Variants in TBC1D5 observed in about 807,000 individuals in gnomAD.
TBC1D5 encodes the protein TBC1 domain family, member 5.
Under a neutral mutation model 100.3 loss-of-function variants are expected in TBC1D5, and 75 were observed. The ratio of observed to expected loss-of-function variants is 0.75; its 90% CI spans 0.62 to 0.91. The LOEUF is 0.91. Among genes scored for constraint, TBC1D5 ranks in the 40% least tolerant of loss-of-function variants. The probability of loss-of-function intolerance (pLI) is 0.00; values close to 1 mark genes in which losing one functional copy is unlikely to be tolerated. For missense variants in TBC1D5, 910 were observed against 942.4 expected (o/e 0.97, Z 0.45); for synonymous variants, 323 against 325.6 (o/e 0.99, Z 0.09).
chr3:17,404,410 A>G (rs1436695952), intron 7 of TBC1D5, among the ~76,000 whole-genome samples: 2 of 151,976 alleles, frequency 1.3e-5, no homozygotes, highest in African/African-American at 2.4e-5. Flanking sequence ...CCCTGATAAA[A>G]GTTTTATTCT....
intron 1 of TBC1D5, among the ~76,000 whole-genome samples, chr3:17,637,188 ATTTTT>A (rs1186523023): frequency 4.2e-5 from 4 of 95,482 alleles, no homozygotes; most frequent in African/African-American, 1.9e-4. Flanking sequence ...TGCCCGACTA[ATTTTT>A]TTTTTTTTTT....
rs1417741877 is a variant in TBC1D5, at chr3:17,704,129, G to C, written c.-101+35214C>G. Among the ~76,000 whole-genome samples the C allele has an allele frequency of 9.0e-3, 1,281 of 141,774 alleles. 19 individuals carry two copies. Among genetic ancestry groups the C allele is most frequent in the African/African-American group, 0.033 (1,238 of 37,850 alleles). 93.0% of individuals were successfully genotyped at this position (141,774 alleles called of 152,430 possible). On this transcript the variant is annotated intron_variant, in intron 1 of 21. Coordinates refer to ENST00000253692, the Ensembl canonical transcript of TBC1D5. Reference sequence around the variant, plus strand: ...TTAGGGATTGGTGATGACTCTTAACGAGCATGCTGCCTTCAAGCATCTGTT... The same window carrying C: ...TTAGGGATTGGTGATGACTCTTAACCAGCATGCTGCCTTCAAGCATCTGTT...
At chr3:17,166,951 T>C in intron 20 of TBC1D5, 23 bp from the exon 22 acceptor site, 1 of 1,576,068 alleles carries the variant, frequency 6.3e-7, no homozygotes, top group African/African-American at 1.4e-5. Context: ...AAGAAGAAAA[T>C]AAATGAAAAA....
chr3:17,296,387 A>C (rs1280057119), intron 14 of TBC1D5, among the ~76,000 whole-genome samples: 1 of 152,190 alleles, frequency 6.6e-6, no homozygotes, highest in East Asian at 1.9e-4. Flanking sequence ...ATTTGTTGAG[A>C]GCCTACTACA....
intron 9 of TBC1D5, among the ~76,000 whole-genome samples, chr3:17,378,803 T>C (rs774799284): frequency 3.2e-4 from 48 of 151,312 alleles, no homozygotes; most frequent in Admixed American, 5.3e-4. Context: ...ACTTAACTGA[T>C]ATAAGTTTAA....
chr3:17,503,419 T>A (rs1444580639), intron 3 of TBC1D5, among the ~76,000 whole-genome samples: 2 of 149,470 alleles, frequency 1.3e-5, no homozygotes, highest in Non-Finnish European at 2.9e-5. Flanking sequence ...ATCATTTACT[T>A]CTCTCTGCTG....
At chr3:17,698,643 A>G (rs1451479060) in intron 1 of TBC1D5, among the ~76,000 whole-genome samples, 1 of 147,750 alleles carries the variant, frequency 6.8e-6, no homozygotes, top group African/African-American at 2.5e-5. Context: ...CAACCTACTC[A>G]TCTGACAAAG....
chr3:17,219,452 C>A (rs2074030160), intron 17 of TBC1D5, among the ~76,000 whole-genome samples: 1 of 150,270 alleles, frequency 6.7e-6, no homozygotes, highest in Non-Finnish European at 1.5e-5. Context: ...TGCTTTTTCC[C>A]CTTTGTGTGG....
At chr3:17,607,605 C>A (rs1172204995) in intron 2 of TBC1D5, among the ~76,000 whole-genome samples, 1 of 152,014 alleles carries the variant, frequency 6.6e-6, no homozygotes, top group Non-Finnish European at 1.5e-5. Flanking sequence ...TTTTAGTCCC[C>A]TATTCAGCAT....
chr3:17,264,060 A>G (rs1378057689), intron 15 of TBC1D5, among the ~76,000 whole-genome samples: 1 of 152,102 alleles, frequency 6.6e-6, no homozygotes, highest in Non-Finnish European at 1.5e-5. Context: ...TGCACTCTGT[A>G]ATGGAAGTCT....
intron 14 of TBC1D5, among the ~76,000 whole-genome samples, chr3:17,298,253 C>CT (rs1264909082): frequency 2.0e-5 from 3 of 152,102 alleles, no homozygotes; most frequent in Admixed American, 6.6e-5. Flanking sequence ...CTGACAATAT[C>CT]TTTTTTTTGT....
chr3:17,452,153 A>C (rs926135319), intron 3 of TBC1D5, among the ~76,000 whole-genome samples: 8 of 152,180 alleles, frequency 5.3e-5, no homozygotes, highest in Admixed American at 3.9e-4. Context: ...AAATTGAAAA[A>C]CATACAATGG....
chr3:17,573,945 A>G (rs952347643), intron 2 of TBC1D5, among the ~76,000 whole-genome samples: 9 of 152,202 alleles, frequency 5.9e-5, no homozygotes, highest in Middle Eastern at 3.4e-3. Flanking sequence ...TCCAGTACCG[A>G]GAACACTGCC....
chr3:17,462,187 G>T (rs1576133832), intron 3 of TBC1D5, among the ~76,000 whole-genome samples: 1 of 151,790 alleles, frequency 6.6e-6, no homozygotes, highest in African/African-American at 2.4e-5. Context: ...TTTGGTTTTT[G>T]TTTGACTGTT....
intron 13 of TBC1D5, among the ~76,000 whole-genome samples, chr3:17,361,649 C>CA (rs1358651851): frequency 6.6e-6 from 1 of 151,658 alleles, no homozygotes; most frequent in African/African-American, 2.4e-5. Flanking sequence ...ACCCATGGTA[C>CA]AAAAAGGAAG....
intron 17 of TBC1D5, among the ~76,000 whole-genome samples, chr3:17,218,496 T>C (rs2073908534): frequency 6.6e-6 from 1 of 152,010 alleles, no homozygotes; most frequent in African/African-American, 2.4e-5. Flanking sequence ...GCTACCTTTA[T>C]CAGAACTCTT....
At chr3:17,337,128 T>G (rs2088005290) in intron 13 of TBC1D5, among the ~76,000 whole-genome samples, 1 of 150,322 alleles carries the variant, frequency 6.7e-6, no homozygotes, top group Non-Finnish European at 1.5e-5. Context: ...GAGAGGTTTT[T>G]TTTTTTTTTT....
chr3:17,342,622 T>C (rs560477627), intron 13 of TBC1D5, among the ~76,000 whole-genome samples: 10 of 152,236 alleles, frequency 6.6e-5, no homozygotes, highest in African/African-American at 9.6e-5. Flanking sequence ...CCAAAAGCAA[T>C]CTGTATATGT....
chr3:17,172,335 A>T (rs2067243653), intron 19 of TBC1D5, among the ~76,000 whole-genome samples: 1 of 152,250 alleles, frequency 6.6e-6, no homozygotes, highest in Admixed American at 6.5e-5. Context: ...CTACTTACAT[A>T]TAACCTCCTA....
Sources: gnomAD v4.1 joint callset for allele counts (sites outside exome capture counted in the v4.1 genomes callset) on GRCh38, gnomAD v4.1.1 for gene constraint, MANE v1.5 for transcripts, NCBI Gene and HGNC (gene_info 2026-07-23, HGNC 2026-07-21) for gene names.